DNAJC13: variants seen among roughly 807,000 people sequenced by gnomAD.
DNAJC13 encodes DnaJ heat shock protein family (Hsp40) member C13.
A neutral mutation model predicts 290.5 loss-of-function variants in DNAJC13; 75 were observed. The observed-to-expected ratio is 0.26, with a 90% CI of 0.21 to 0.31. DNAJC13 has a LOEUF of 0.31. Ranked by LOEUF, DNAJC13 falls within the 10% of genes least tolerant of loss-of-function variation. DNAJC13 has a pLI of 1.00. For synonymous variants in DNAJC13, 862 were observed against 892.0 expected, an observed-to-expected ratio of 0.97 and a Z score of 0.60; for missense variants, 2,260 against 2,674.5, an observed-to-expected ratio of 0.85 and a Z score of 3.42.
In DNAJC13 at chr3:132,538,384, A is replaced by ATGAC. The variant is rs1458756043; in HGVS notation, c.*103_*106dup. ...CTCTTACTGCCTTTCTCCTGGTTTCATGACAGTGTTATTCCTTTTTCTATA... is the reference window on the plus strand; with the variant it reads ...CTCTTACTGCCTTTCTCCTGGTTTCATGACTGACAGTGTTATTCCTTTTTCTATA... On this transcript the variant is annotated 3_prime_UTR_variant, in exon 56 of 56. Transcript: ENST00000260818. The ATGAC allele has an allele frequency of 2.5e-6, 2 of 809,390 alleles. No homozygotes were observed. Among genetic ancestry groups the ATGAC allele is most frequent in the Non-Finnish European group, 3.9e-6 (2 of 515,446 alleles). 50.1% of individuals were successfully genotyped at this position (809,390 alleles called of 1,614,324 possible).
chr3:132,484,762 A>C, intron 29 of DNAJC13, 90 bp downstream of exon 29: 1 of 1,269,734 alleles, frequency 7.9e-7, no homozygotes. Flanking sequence ...GTTGCAGTCT[A>C]TTCCATTTTC....
chr3:132,517,845 C>T (rs1427691175), intron 48 of DNAJC13, among the ~76,000 whole-genome samples: 1 of 152,172 alleles, frequency 6.6e-6, no homozygotes, highest in Non-Finnish European at 1.5e-5. Context: ...CTCGATCTCT[C>T]AGTCTAGGTA....
rs1238025357 is a variant in DNAJC13 at position 132,453,292 on chromosome 3, G to A, written c.538-6G>A. ...TCTGACTTTTTAAATTTCTAAATTT[G>A]TGCAGCATTTATTTGCGTCAGAGCA... On this transcript the variant is annotated splice_polypyrimidine_tract_variant and splice_region_variant and intron_variant, in intron 6 of 55. Transcript: ENST00000260818. 6.2e-7 allele frequency: 1 copy of A among 1,611,190 alleles called. No individual in the cohort carries two copies. The highest frequency in any genetic ancestry group is 8.5e-7 in the Non-Finnish European group (1 of 1,178,742).
chr3:132,525,941 A>C, intron 52 of DNAJC13, 152 bp downstream of exon 52: 1 of 1,197,944 alleles, frequency 8.3e-7, no homozygotes, highest in East Asian at 2.6e-5. Flanking sequence ...TTCTGGGTTT[A>C]TCAAAACTGG....
intron 20 of DNAJC13, among the ~76,000 whole-genome samples, chr3:132,468,966 G>A (rs62292897): frequency 0.014 from 2,176 of 152,174 alleles, 61 homozygotes; most frequent in African/African-American, 0.05. Context: ...TCTAGTCTTA[G>A]CTAAAACTAT....
rs556583573 is a variant in DNAJC13 at position 132,434,393 on chromosome 3, A to C, written c.-13-145A>C. 25 of 495,158 alleles carry C rather than the reference A, an allele frequency of 5.0e-5. No individual in the cohort carries two copies. The South Asian group carries it at 6.6e-4, about 13-fold the overall frequency. The allele number at this position is 495,158 out of a possible 1,614,324, so 30.7% of individuals were successfully genotyped here. A position where few individuals can be genotyped will look rare whatever the true frequency, so the allele number is the denominator to read the frequency against. ...AGAGCGAGACTCATCTCAAAAAAAA[A>C]AAAAACAAAACCTTATGGTCTTGTA... is the stretch of plus-strand genomic sequence containing the variant. On this transcript the variant is annotated intron_variant, in intron 1 of 55. Coordinates refer to ENST00000260818, the MANE Select transcript of DNAJC13 (RefSeq NM_015268.4).
At chr3:132,525,959 CAAATCAGTTTTGAT>C (rs1936242560) in intron 52 of DNAJC13, among the ~76,000 whole-genome samples, 168 bp from the exon 53 acceptor site, 1 of 152,056 alleles carries the variant, frequency 6.6e-6, no homozygotes, top group Non-Finnish European at 1.5e-5. Context: ...TGGTATTTAT[CAAATCAGTTTTGAT>C]AAATACCAGT....
At position 132,450,805 on chromosome 3, in the gene DNAJC13, T is replaced by C. The variant is rs754551314; in HGVS notation, c.495T>C (p.Tyr165=). ...NIEGFVDLSD[Y]QGGFCILYGG... ...AAGGATTTGTAGATCTCTCAGATTA[T>C]CAAGGAGGATTTTGTATACTTTATG... Residue 165 remains tyrosine, a synonymous_variant, in exon 6 of 56, where the codon TAT becomes TAC. Transcript: ENST00000260818. The C allele has an allele frequency of 6.2e-7, 1 of 1,601,192 alleles. No individual in the cohort carries two copies. Among genetic ancestry groups the C allele is most frequent in the South Asian group, 1.1e-5 (1 of 90,484 alleles).
chr3:132,527,496 G>A (rs964679283), intron 53 of DNAJC13, among the ~76,000 whole-genome samples: 2 of 152,218 alleles, frequency 1.3e-5, no homozygotes, highest in South Asian at 2.1e-4. Flanking sequence ...GGAGTTTGAT[G>A]TGTAGGAAAG....
intron 53 of DNAJC13, 24 bp from the exon 54 acceptor site, chr3:132,528,165 A>T: frequency 6.2e-7 from 1 of 1,612,510 alleles, no homozygotes; most frequent in Non-Finnish European, 8.5e-7. Context: ...CTGTGTGTTT[A>T]TATATGCTTA....
chr3:132,471,341 GTTGA>G (rs1934246455), intron 20 of DNAJC13, among the ~76,000 whole-genome samples: 1 of 136,538 alleles, frequency 7.3e-6, no homozygotes, highest in Admixed American at 7.3e-5. Context: ...CGGGCGGGGG[GTTGA>G]CCCCCCCCCA....
At chr3:132,467,483 T>A (rs1316059356) in intron 20 of DNAJC13, 170 bp downstream of exon 20, 2 of 613,138 alleles carry the variant, frequency 3.3e-6, no homozygotes, top group Non-Finnish European at 5.1e-6. Flanking sequence ...TTATTTATTT[T>A]GAGACAGAGC....
chr3:132,521,467 T>C (rs1008951231), intron 48 of DNAJC13, among the ~76,000 whole-genome samples: 4 of 152,224 alleles, frequency 2.6e-5, no homozygotes, highest in African/African-American at 9.6e-5. Flanking sequence ...GCTTTATGAA[T>C]CACAGATCAC....
chr3:132,479,635 C>T (rs1198031612), intron 25 of DNAJC13, among the ~76,000 whole-genome samples: 6 of 151,980 alleles, frequency 3.9e-5, no homozygotes, highest in African/African-American at 1.4e-4. Flanking sequence ...ATATGCTTGA[C>T]ATAAAATGGA....
chr3:132,464,550 C>T (rs973627824), intron 17 of DNAJC13, among the ~76,000 whole-genome samples: 1 of 152,038 alleles, frequency 6.6e-6, no homozygotes, highest in Non-Finnish European at 1.5e-5. Flanking sequence ...CAATACTGTA[C>T]ATTTTCTTTG....
At position 132,477,859 on chromosome 3, in the gene DNAJC13, A is replaced by T; in HGVS notation, c.2516A>T (p.Asp839Val). 1 of 1,613,598 alleles carries T rather than the reference A, an allele frequency of 6.2e-7. No individual in the cohort carries two copies. The highest frequency in any genetic ancestry group is 8.5e-7 in the Non-Finnish European group (1 of 1,179,760). ...DYYLRLLLEE[D>V]ENEESGSIKR... is the part of the protein sequence containing the mutation. ...TACCTGAGATTACTATTGGAGGAAGATGAGAATGAAGAAAGTGGATCAATT... is the reference window on the plus strand; with the variant it reads ...TACCTGAGATTACTATTGGAGGAAGTTGAGAATGAAGAAAGTGGATCAATT... Residue 839 changes from aspartate to valine, a missense_variant, in exon 23 of 56, where the codon GAT (aspartate) becomes GTT (valine). Physicochemically the swap from Asp to Val is radical, Grantham distance 152. Transcript: ENST00000260818.
Position 132,457,242 on chromosome 3 carries a change from G to A in DNAJC13, c.1350-27G>A, listed in dbSNP as rs193234441. On this transcript the variant is annotated intron_variant, in intron 12 of 55. Coordinates refer to ENST00000260818, the MANE Select transcript of DNAJC13 (RefSeq NM_015268.4). Reference sequence around the variant, plus strand: ...AATTTAAAATGTTCTGGTATTGCTAGTATATGCTTGTTTTTTGTTCCAAAA... The same window carrying A: ...AATTTAAAATGTTCTGGTATTGCTAATATATGCTTGTTTTTTGTTCCAAAA... 5.7e-5 allele frequency: 88 copies of A among 1,538,660 alleles called. No individual in the cohort carries two copies. In the East Asian group the frequency reaches 1.9e-3, roughly 33 times the overall value.
chr3:132,494,871 T>G (rs866936067), intron 34 of DNAJC13, among the ~76,000 whole-genome samples: 2 of 152,094 alleles, frequency 1.3e-5, no homozygotes, highest in African/African-American at 4.8e-5. Flanking sequence ...TAATTTGAAG[T>G]GAATGGGTAG....
At chr3:132,458,067 A>AT (rs902189985) in intron 13 of DNAJC13, 5 of 152,182 alleles carry the variant, frequency 3.3e-5, no homozygotes, top group African/African-American at 1.2e-4. Context: ...TAGAAGTAAA[A>AT]TTAGAGGCAG....
Sources: allele counts gnomAD v4.1 joint callset (sites outside exome capture counted in the v4.1 genomes callset), GRCh38; gene constraint gnomAD v4.1.1; transcripts MANE v1.5; gene names NCBI Gene and HGNC (gene_info 2026-07-23, HGNC 2026-07-21).